DLG2: variants seen among roughly 807,000 people sequenced by gnomAD.
The protein encoded by DLG2 is discs large MAGUK scaffold protein 2.
In DLG2, 45 loss-of-function variants were observed where a neutral mutation model predicts 132.5. The ratio of observed to expected loss-of-function variants is 0.34; its 90% CI spans 0.27 to 0.44. The LOEUF is 0.44. DLG2 is among the 20% of genes least tolerant of loss of function. DLG2 has a pLI of 1.00. For missense variants in DLG2, 1,045 were observed against 1,196.9 expected (o/e 0.87, Z 1.87); for synonymous variants, 424 against 419.6 (o/e 1.01, Z -0.13).
intron 11 of DLG2, among the ~76,000 whole-genome samples, chr11:83,995,520 A>C: frequency 6.6e-6 from 1 of 152,208 alleles, no homozygotes; most frequent in East Asian, 2.0e-4. Context: ...ACATCAAGCT[A>C]TCCTAAGAAA....
intron 6 of DLG2, among the ~76,000 whole-genome samples, chr11:85,099,931 G>T (rs1197264528): frequency 3.3e-5 from 5 of 152,002 alleles, no homozygotes; most frequent in African/African-American, 1.2e-4. Flanking sequence ...CGCTTCTAAA[G>T]GCTCCTTCAT....
At chr11:83,834,899 C>G (rs1378013322) in intron 16 of DLG2, among the ~76,000 whole-genome samples, 1 of 152,174 alleles carries the variant, frequency 6.6e-6, no homozygotes. Flanking sequence ...CTCTCCCAAA[C>G]ATCTCAGTTC....
At chr11:85,052,654 T>C (rs1177143667) in intron 6 of DLG2, among the ~76,000 whole-genome samples, 1 of 152,212 alleles carries the variant, frequency 6.6e-6, no homozygotes, top group African/African-American at 2.4e-5. Flanking sequence ...TATTTACTGG[T>C]ATGCAAATTG....
At chr11:84,710,635 G>T (rs190975363) in intron 6 of DLG2, among the ~76,000 whole-genome samples, 56 of 151,928 alleles carry the variant, frequency 3.7e-4, no homozygotes, top group Admixed American at 5.9e-4. Context: ...GGATATTAAG[G>T]CTGTTACAGT....
intron 6 of DLG2, among the ~76,000 whole-genome samples, chr11:84,836,009 A>G (rs1411204785): frequency 6.6e-6 from 1 of 151,760 alleles, no homozygotes; most frequent in Non-Finnish European, 1.5e-5. Context: ...AGAAGAAAGA[A>G]AACAGGAGAG....
chr11:83,654,707 T>C (rs1319746218), intron 18 of DLG2, among the ~76,000 whole-genome samples: 2 of 152,240 alleles, frequency 1.3e-5, no homozygotes. Flanking sequence ...GCAGAGAGTC[T>C]TGTATGAGCG....
chr11:84,806,051 A>G (rs2075961694), intron 6 of DLG2, among the ~76,000 whole-genome samples: 1 of 152,242 alleles, frequency 6.6e-6, no homozygotes, highest in South Asian at 2.1e-4. Flanking sequence ...AATACCATAC[A>G]AAACTCCATG....
chr11:84,616,962 T>C (rs963104469), intron 6 of DLG2, among the ~76,000 whole-genome samples: 1 of 151,674 alleles, frequency 6.6e-6, no homozygotes, highest in African/African-American at 2.4e-5. Context: ...ATCATCCAGT[T>C]CTTCCTCCTC....
At chr11:83,622,406 G>A (rs1352331789) in intron 19 of DLG2, among the ~76,000 whole-genome samples, 2 of 152,162 alleles carry the variant, frequency 1.3e-5, no homozygotes, top group Non-Finnish European at 2.9e-5. Flanking sequence ...AACAAGAGAG[G>A]CAGGGACCTG....
chr11:85,088,271 G>A (rs2068252152), intron 6 of DLG2, among the ~76,000 whole-genome samples: 1 of 152,136 alleles, frequency 6.6e-6, no homozygotes, highest in Non-Finnish European at 1.5e-5. Context: ...AATGGGAAAG[G>A]TCTTTCCCAA....
rs1037218100 is a variant in DLG2, at chr11:84,257,748, C to T, written c.520-6457G>A. 2.4e-4 allele frequency among the ~76,000 whole-genome samples: 34 copies of T among 143,292 alleles called. No homozygotes were observed. In the Admixed American group the frequency reaches 2.5e-3, roughly 11 times the overall value. 94.0% of individuals were successfully genotyped at this position (143,292 alleles called of 152,430 possible). A position where few individuals can be genotyped will look rare whatever the true frequency, so the allele number is the denominator to read the frequency against. On this transcript the variant is annotated intron_variant, in intron 7 of 27. Transcript: ENST00000376104. ...GTCATGCAGGCTGGAGTGCAGTAGT[C>T]CCATCTTGGCTTACCACAACCTCTG...
At chr11:85,403,398 G>A (rs527608760) in intron 3 of DLG2, among the ~76,000 whole-genome samples, 1 of 152,102 alleles carries the variant, frequency 6.6e-6, no homozygotes, top group East Asian at 1.9e-4. Context: ...TAAATGATGA[G>A]TTGATGGGTG....
At chr11:83,466,108 T>G (rs79264191) in intron 26 of DLG2, among the ~76,000 whole-genome samples, 3,421 of 152,318 alleles carry the variant, frequency 0.022, 111 homozygotes, top group African/African-American at 0.075. Flanking sequence ...TTACAGATGT[T>G]TTACTGCCAC....
At chr11:83,787,329 T>G (rs1356751867) in intron 17 of DLG2, among the ~76,000 whole-genome samples, 4 of 103,112 alleles carry the variant, frequency 3.9e-5, no homozygotes, top group Admixed American at 3.6e-4. Flanking sequence ...TTTTGTTTTT[T>G]TTTTTTTTTT....
chr11:85,030,234 G>A (rs945712759), intron 6 of DLG2, among the ~76,000 whole-genome samples: 2 of 152,178 alleles, frequency 1.3e-5, no homozygotes, highest in Non-Finnish European at 2.9e-5. Context: ...GAGGTTAAAA[G>A]GTTTTGTTTT....
intron 19 of DLG2, among the ~76,000 whole-genome samples, chr11:83,561,883 CTTTTTTTTTTTTTTTTT>C (rs66514406): frequency 1.1e-5 from 1 of 87,966 alleles, no homozygotes; most frequent in East Asian, 3.4e-4. Flanking sequence ...GTATTTCTTT[CTTTTTTTTTTTTTTTTT>C]TTTTTTTGAG....
At chr11:85,461,180 A>G (rs1209025990) in intron 3 of DLG2, among the ~76,000 whole-genome samples, 1 of 152,204 alleles carries the variant, frequency 6.6e-6, no homozygotes, top group Non-Finnish European at 1.5e-5. Flanking sequence ...GAGTACATAT[A>G]TATTAACATC....
chr11:84,650,997 T>C (rs553945718), intron 6 of DLG2, among the ~76,000 whole-genome samples: 14 of 151,334 alleles, frequency 9.3e-5, no homozygotes, highest in African/African-American at 3.1e-4. Context: ...TAAAAAGTGA[T>C]GGATACTTTC....
chr11:85,371,261 T>C (rs1304966248), intron 3 of DLG2, among the ~76,000 whole-genome samples: 1 of 152,208 alleles, frequency 6.6e-6, no homozygotes, highest in Non-Finnish European at 1.5e-5. Flanking sequence ...CTCAGGAAGC[T>C]GAAGCAACCT....
Sources: gnomAD v4.1 joint callset for allele counts (sites outside exome capture counted in the v4.1 genomes callset) on GRCh38, gnomAD v4.1.1 for gene constraint, MANE v1.5 for transcripts, NCBI Gene and HGNC (gene_info 2026-07-23, HGNC 2026-07-21) for gene names.